UNC5C: variants seen among roughly 807,000 people sequenced by gnomAD.
UNC5C encodes netrin receptor UNC5C.
UNC5C carries 47 observed loss-of-function variants against 99.8 expected under a neutral mutation model. The ratio of observed to expected loss-of-function variants is 0.47; its 90% CI spans 0.37 to 0.60. The LOEUF (loss-of-function observed/expected upper bound fraction) is 0.60. Ranked by LOEUF, UNC5C falls within the 20% of genes least tolerant of loss-of-function variation. UNC5C has a pLI of 0.00. For missense variants in UNC5C, 1,062 were observed against 1,165.9 expected (o/e 0.91, Z 1.30); for synonymous variants, 487 against 452.2 (o/e 1.08, Z -0.98).
intron 1 of UNC5C, among the ~76,000 whole-genome samples, chr4:95,400,750 G>C (rs1745668735): frequency 1.3e-5 from 2 of 152,164 alleles, no homozygotes; most frequent in Non-Finnish European, 2.9e-5. Context: ...CAACCTTCCA[G>C]TCCCCAACTC....
chr4:95,255,003 T>C (rs992274533), intron 4 of UNC5C, among the ~76,000 whole-genome samples: 1 of 152,050 alleles, frequency 6.6e-6, no homozygotes, highest in Non-Finnish European at 1.5e-5. Flanking sequence ...TTTGTTTTTT[T>C]TTTTTAAGAC....
At chr4:95,174,701 G>GA (rs1192283894) in intron 14 of UNC5C, among the ~76,000 whole-genome samples, 1 of 149,280 alleles carries the variant, frequency 6.7e-6, no homozygotes, top group Non-Finnish European at 1.5e-5. Context: ...GTGTGGTGCT[G>GA]AAAAAAATGT....
At chr4:95,244,855 G>T in intron 6 of UNC5C, 122 bp downstream of exon 6, 1 of 1,308,430 alleles carries the variant, frequency 7.6e-7, no homozygotes, top group Non-Finnish European at 1.1e-6. Flanking sequence ...CAGTGAGTAG[G>T]ATGGATTTAA....
intron 1 of UNC5C, among the ~76,000 whole-genome samples, chr4:95,349,858 C>G (rs2149428632): frequency 6.6e-6 from 1 of 152,228 alleles, no homozygotes; most frequent in Middle Eastern, 3.4e-3. Context: ...TGACTTTAAA[C>G]TAACATAGTT....
rs990127814 is a variant in UNC5C, at chr4:95,176,844, G to A, written c.2451+6053C>T. On this transcript the variant is annotated intron_variant, in intron 14 of 15. Transcript: ENST00000453304. ...TGGCGGGGGCCCCTCCCCCAGCCTCGCTGCCGCCTTGCAGTTTGATCTCAG... is the reference window on the plus strand; with the variant it reads ...TGGCGGGGGCCCCTCCCCCAGCCTCACTGCCGCCTTGCAGTTTGATCTCAG... Among the ~76,000 whole-genome samples the A allele has an allele frequency of 4.3e-4, 65 of 152,312 alleles. 1 individual carries two copies. Among genetic ancestry groups the A allele is most frequent in the East Asian group, 3.9e-4 (2 of 5,168 alleles).
intron 3 of UNC5C, among the ~76,000 whole-genome samples, chr4:95,299,286 C>CTG (rs1334497252): frequency 6.6e-6 from 1 of 152,056 alleles, no homozygotes; most frequent in Non-Finnish European, 1.5e-5. Flanking sequence ...GAGAAAGAGG[C>CTG]CACCAGCAAG....
intron 1 of UNC5C, among the ~76,000 whole-genome samples, chr4:95,387,113 TTCTG>T (rs1484995103): frequency 2.6e-5 from 4 of 152,144 alleles, no homozygotes; most frequent in African/African-American, 9.7e-5. Flanking sequence ...TTCTTTTTCT[TTCTG>T]TCTCTCTATC....
intron 1 of UNC5C, among the ~76,000 whole-genome samples, chr4:95,427,086 T>C (rs1746507969): frequency 1.3e-5 from 2 of 152,142 alleles, no homozygotes; most frequent in African/African-American, 4.8e-5. Context: ...GGTTCAAGAC[T>C]TCAGTGGAGG....
At chr4:95,258,715 A>T (rs966127147) in intron 4 of UNC5C, among the ~76,000 whole-genome samples, 5 of 139,380 alleles carry the variant, frequency 3.6e-5, no homozygotes, top group Non-Finnish European at 7.8e-5. Flanking sequence ...TGGTGTTATT[A>T]GTCCCACTAT....
At chr4:95,377,408 C>G (rs1395469206) in intron 1 of UNC5C, among the ~76,000 whole-genome samples, 2 of 152,132 alleles carry the variant, frequency 1.3e-5, no homozygotes, top group Non-Finnish European at 1.5e-5. Flanking sequence ...AACAAAGAAA[C>G]TAAATCCAGA....
At chr4:95,535,531 T>G (rs190077071) in intron 1 of UNC5C, among the ~76,000 whole-genome samples, 1 of 152,336 alleles carries the variant, frequency 6.6e-6, no homozygotes, top group Non-Finnish European at 1.5e-5. Context: ...TTGATGACGC[T>G]GTTAATTACA....
At chr4:95,449,274 C>G (rs576884736) in intron 1 of UNC5C, among the ~76,000 whole-genome samples, 1 of 152,074 alleles carries the variant, frequency 6.6e-6, no homozygotes, top group Non-Finnish European at 1.5e-5. Context: ...ATGCTTGGTA[C>G]GCAAAAGCAA....
chr4:95,258,302 G>A (rs1740080410), intron 4 of UNC5C, among the ~76,000 whole-genome samples: 1 of 152,050 alleles, frequency 6.6e-6, no homozygotes, highest in Non-Finnish European at 1.5e-5. Flanking sequence ...TTCATATTTT[G>A]GTCATTTCAA....
At chr4:95,393,385 CA>C (rs1745415334) in intron 1 of UNC5C, among the ~76,000 whole-genome samples, 1 of 152,048 alleles carries the variant, frequency 6.6e-6, no homozygotes, top group South Asian at 2.1e-4. Flanking sequence ...TTGGAGGAAT[CA>C]AGGGGGGAAT....
chr4:95,382,976 C>T (rs939165841), intron 1 of UNC5C, among the ~76,000 whole-genome samples: 5 of 152,158 alleles, frequency 3.3e-5, no homozygotes, highest in African/African-American at 1.2e-4. Flanking sequence ...ATCTGATTAA[C>T]TTAACCGCAG....
At chr4:95,414,430 C>T (rs1010942942) in intron 1 of UNC5C, among the ~76,000 whole-genome samples, 2 of 152,180 alleles carry the variant, frequency 1.3e-5, no homozygotes, top group African/African-American at 4.8e-5. Flanking sequence ...GGTGGCTTTC[C>T]TGTGAAGCCT....
At chr4:95,280,067 C>T (rs560443459) in intron 3 of UNC5C, among the ~76,000 whole-genome samples, 2 of 152,258 alleles carry the variant, frequency 1.3e-5, no homozygotes, top group South Asian at 2.1e-4. Context: ...CTGCTCACCT[C>T]CTGCTGTGCG....
chr4:95,430,456 C>G (rs1056494085), intron 1 of UNC5C, among the ~76,000 whole-genome samples: 3 of 152,034 alleles, frequency 2.0e-5, no homozygotes. Context: ...GCCTGGTTTA[C>G]CTTCAATTAC....
rs1747064687 is a variant in UNC5C at position 95,445,260 on chromosome 4, T to A, written c.124+103474A>T. ...TTGCAACTATACATCATTTCCATTC[T>A]TAGTTTTTTTCTCCTGAATTTCATC... On this transcript the variant is annotated intron_variant, in intron 1 of 15. Transcript: ENST00000453304. Among the ~76,000 whole-genome samples, 4 of 152,146 alleles carry A rather than the reference T, an allele frequency of 2.6e-5. No individual in the cohort carries two copies. In the South Asian group the frequency reaches 8.3e-4, roughly 32 times the overall value.
Sources: gnomAD v4.1 joint callset for allele counts (sites outside exome capture counted in the v4.1 genomes callset) on GRCh38, gnomAD v4.1.1 for gene constraint, MANE v1.5 for transcripts, NCBI Gene and HGNC (gene_info 2026-07-23, HGNC 2026-07-21) for gene names.